The following SLC17A9 variants were observed in gnomAD, a reference collection of about 807,000 sequenced individuals.
SLC17A9 encodes the protein solute carrier family 17 member 9.
SLC17A9 carries 49 observed loss-of-function variants against 55.0 expected under a neutral mutation model. The ratio of observed to expected loss-of-function variants is 0.89; its 90% CI spans 0.71 to 1.13. The LOEUF (loss-of-function observed/expected upper bound fraction) is 1.13. Ranked by LOEUF, SLC17A9 falls within the 50% of genes most tolerant of loss-of-function variation. The probability of loss-of-function intolerance (pLI) is 0.00; values close to 1 mark genes in which losing one functional copy is unlikely to be tolerated. For synonymous variants in SLC17A9, 256 were observed against 247.4 expected (o/e 1.03, Z -0.32); for missense variants, 526 against 569.3 (o/e 0.92, Z 0.77).
chr20:62,965,530 C>A (rs1006830470), intron 9 of SLC17A9, 80 bp from the exon 10 acceptor site: 2 of 1,361,672 alleles, frequency 1.5e-6, no homozygotes, highest in Non-Finnish European at 2.1e-6. Flanking sequence ...CCCAGGGGGG[C>A]TTTCGGGCAG....
chr20:62,955,332 G>C (rs759311620), intron 1 of SLC17A9, among the ~76,000 whole-genome samples: 3 of 152,120 alleles, frequency 2.0e-5, no homozygotes, highest in Non-Finnish European at 2.9e-5. Flanking sequence ...ATTTTTAGTA[G>C]AGATGGGGTT....
chr20:62,954,036 C>T (rs921547010), intron 1 of SLC17A9, among the ~76,000 whole-genome samples: 3 of 152,128 alleles, frequency 2.0e-5, no homozygotes, highest in African/African-American at 2.4e-5. Context: ...GCCTTCACTA[C>T]GTCCCTCCCA....
intron 3 of SLC17A9, 140 bp downstream of exon 3, chr20:62,957,720 A>C: frequency 1.5e-6 from 1 of 669,068 alleles, no homozygotes; most frequent in Non-Finnish European, 2.2e-6. Context: ...GCCCGCGTGC[A>C]TGCGTGCACC....
Position 62,957,505 on chromosome 20 carries a change from CCA to C in SLC17A9, c.324_325del (p.Leu109AlafsTer42). The C allele has an allele frequency of 1.2e-6, 2 of 1,610,260 alleles. No homozygotes were observed. The highest frequency in any genetic ancestry group is 1.7e-6 in the Non-Finnish European group (2 of 1,178,858). ...SAWGSITAVT[P>X]LLAHLSSAHL... ...CTGGGGCTCCATCACGGCCGTCACC[CCA>C]CTGCTCGCCCACCTGAGCAGTGCCC... On this transcript the variant is annotated frameshift_variant, in exon 3 of 13. Transcript: ENST00000370351. LOFTEE classifies it high-confidence loss of function.
intron 4 of SLC17A9, among the ~76,000 whole-genome samples, chr20:62,960,953 G>T (rs1162342535): frequency 6.6e-6 from 1 of 152,254 alleles, no homozygotes; most frequent in Non-Finnish European, 1.5e-5. Flanking sequence ...CCCCACCCTC[G>T]ACAGGAGAGT....
intron 4 of SLC17A9, among the ~76,000 whole-genome samples, chr20:62,960,974 A>G (rs2065584693): frequency 6.6e-6 from 1 of 152,214 alleles, no homozygotes. Context: ...CTGTGAGCGC[A>G]GGAGCGTCTG....
chr20:62,952,715 A>AAGCGC lies in SLC17A9; in HGVS notation c.-115_-111dup. ...GACAAGTCCTGAGAGAACCAGACGG[A>AAGCGC]AGCGCGCTGGGACTGACACGTGGAC... On this transcript the variant is annotated 5_prime_UTR_variant, in exon 1 of 13. Coordinates refer to ENST00000370351, the MANE Select transcript of SLC17A9 (RefSeq NM_022082.4). The AAGCGC allele has an allele frequency of 8.9e-7, 1 of 1,124,502 alleles. No homozygotes were observed. The highest frequency in any genetic ancestry group is 1.2e-6 in the Non-Finnish European group (1 of 823,332). The allele number at this position is 1,124,502 out of a possible 1,614,324, so 69.7% of individuals were successfully genotyped here.
chr20:62,965,587 G>C (rs537345972), intron 9 of SLC17A9, 23 bp from the exon 10 acceptor site: 4 of 1,606,474 alleles, frequency 2.5e-6, no homozygotes, highest in Admixed American at 3.3e-5. Context: ...GTGCCTCTCC[G>C]TCACGGTGGC....
Position 62,962,414 on chromosome 20 carries a change from CAGCCCT to C in SLC17A9, c.498-209_498-204del. 1 of 482,794 alleles carries C rather than the reference CAGCCCT, an allele frequency of 2.1e-6. No homozygotes were observed. The highest frequency in any genetic ancestry group is 3.6e-6 in the Non-Finnish European group (1 of 276,438). The allele number at this position is 482,794 out of a possible 1,614,324, so 29.9% of individuals were successfully genotyped here. On this transcript the variant is annotated intron_variant, in intron 4 of 12. Coordinates refer to ENST00000370351, the MANE Select transcript of SLC17A9 (RefSeq NM_022082.4). The surrounding 1 kb of genome is among the most constrained non-coding windows in gnomAD (Gnocchi z 5.5). ...TGCGTGGCTGGTCCCAGGTTCGCCC[CAGCCCT>C]GTGTGCCCGGAGTCTCCCCTGAGTA...
chr20:62,957,106 T>C (rs2065543645), intron 2 of SLC17A9, 144 bp downstream of exon 2: 2 of 1,328,668 alleles, frequency 1.5e-6, no homozygotes, highest in East Asian at 2.5e-5. Flanking sequence ...ATGCGACTCC[T>C]GGGGAAGGAG....
intron 1 of SLC17A9, among the ~76,000 whole-genome samples, chr20:62,954,390 C>G (rs1235930673): frequency 6.6e-6 from 1 of 152,232 alleles, no homozygotes; most frequent in Non-Finnish European, 1.5e-5. Flanking sequence ...CCGCACAGTT[C>G]CCTTTTCTGA....
Position 62,968,622 on chromosome 20 carries a change from T to G in SLC17A9, c.*1122T>G, listed in dbSNP as rs2065660023. On this transcript the variant is annotated 3_prime_UTR_variant, in exon 13 of 13. Coordinates refer to ENST00000370351, the MANE Select transcript of SLC17A9 (RefSeq NM_022082.4). ...AGACTGTTATTTTATTTAACACCTT[T>G]GTTTTTTAAGAATGAACACGTGTTA... The G allele has an allele frequency of 6.6e-6, 1 of 152,026 alleles. No homozygotes were observed. Among genetic ancestry groups the G allele is most frequent in the Non-Finnish European group, 1.5e-5 (1 of 68,006 alleles). 9.4% of individuals were successfully genotyped at this position (152,026 alleles called of 1,614,324 possible).
chr20:62,962,366 A>T lies in SLC17A9; in HGVS notation c.498-258A>T, dbSNP rs918022471. 22 of 350,222 alleles carry T rather than the reference A, an allele frequency of 6.3e-5. No individual in the cohort carries two copies. The highest frequency in any genetic ancestry group is 1.1e-4 in the Non-Finnish European group (21 of 188,714). The allele number at this position is 350,222 out of a possible 1,614,324, so 21.7% of individuals were successfully genotyped here. A position where few individuals can be genotyped will look rare whatever the true frequency, so the allele number is the denominator to read the frequency against. On this transcript the variant is annotated intron_variant, in intron 4 of 12. Transcript: ENST00000370351. This position sits in a 1 kb window ranked among gnomAD's most constrained non-coding sequence, Gnocchi z 5.5. ...ATGTGAAAAACAATGTGAGTTCCAC[A>T]GCAGCCGCCCGACTGGGACACATGC...
At chr20:62,956,215 G>A (rs1442915760) in intron 1 of SLC17A9, among the ~76,000 whole-genome samples, 3 of 152,198 alleles carry the variant, frequency 2.0e-5, no homozygotes, top group African/African-American at 4.8e-5. Context: ...CTTTTCTCCC[G>A]TGGGAAGCGT....
At chr20:62,953,207 C>T in intron 1 of SLC17A9, 1 of 1,550,450 alleles carries the variant, frequency 6.4e-7, no homozygotes, top group African/African-American at 1.4e-5. Flanking sequence ...ATACCCCTCG[C>T]CAGGTGGAAC....
chr20:62,954,576 C>T (rs1427446891), intron 1 of SLC17A9, among the ~76,000 whole-genome samples: 1 of 152,200 alleles, frequency 6.6e-6, no homozygotes, highest in Admixed American at 6.5e-5. Context: ...ACCCCCCGTC[C>T]CCCGCGCCCC....
intron 4 of SLC17A9, among the ~76,000 whole-genome samples, chr20:62,960,806 A>G (rs945749804): frequency 5.9e-5 from 9 of 152,270 alleles, no homozygotes; most frequent in Non-Finnish European, 1.2e-4. Flanking sequence ...TGCTTTGTGC[A>G]TATTTCTGCC....
intron 1 of SLC17A9, chr20:62,953,292 G>A (rs1321391742): frequency 2.6e-6 from 4 of 1,545,798 alleles, no homozygotes; most frequent in Non-Finnish European, 3.5e-6. Flanking sequence ...ACGGGCTGGA[G>A]CCTGCAGCTG....
At position 62,953,734 on chromosome 20, in the gene SLC17A9, A is replaced by G. The variant is rs149081090; in HGVS notation, c.59+845A>G. 1.3e-3 allele frequency among the ~76,000 whole-genome samples: 198 copies of G among 152,374 alleles called. 1 individual carries two copies. The highest frequency in any genetic ancestry group is 4.4e-3 in the African/African-American group (185 of 41,598). On this transcript the variant is annotated intron_variant, in intron 1 of 12. Coordinates refer to ENST00000370351, the MANE Select transcript of SLC17A9 (RefSeq NM_022082.4). The stretch of plus-strand genomic sequence containing the variant: ...TCTGGCCCCACCAGTTCCCAGCTGT[A>G]TGAGGGCTGAGGACCCTAGAAGTGC...
Sources: gnomAD v4.1 joint callset for allele counts (sites outside exome capture counted in the v4.1 genomes callset) on GRCh38, gnomAD v4.1.1 for gene constraint, Gnocchi (gnomAD v3.1) non-coding constraint, MANE v1.5 for transcripts, NCBI Gene and HGNC (gene_info 2026-07-23, HGNC 2026-07-21) for gene names.